IFT172: variants seen among roughly 807,000 people sequenced by gnomAD.
IFT172 encodes the protein intraflagellar transport 172, also known as intraflagellar transport protein 172 homolog.
A neutral mutation model predicts 248.9 loss-of-function variants in IFT172; 164 were observed. The observed-to-expected ratio is 0.66, with a 90% CI of 0.58 to 0.75. IFT172 has a LOEUF of 0.75. Among genes scored for constraint, IFT172 ranks in the 30% least tolerant of loss-of-function variants. The probability of loss-of-function intolerance (pLI) is 0.00; values close to 1 mark genes in which losing one functional copy is unlikely to be tolerated. For missense variants in IFT172, 1,950 were observed against 2,192.4 expected (o/e 0.89, Z 2.21); for synonymous variants, 729 against 791.6 (o/e 0.92, Z 1.33).
chr2:27,470,577 A>C (rs764073166), intron 16 of IFT172, among the ~76,000 whole-genome samples: 1 of 152,034 alleles, frequency 6.6e-6, no homozygotes, highest in Non-Finnish European at 1.5e-5. Context: ...GTAATTTGAG[A>C]AAAAAAGGCA....
At chr2:27,461,149 T>C (rs1402710719) in intron 22 of IFT172, 56 bp from the exon 23 acceptor site, 2 of 1,613,798 alleles carry the variant, frequency 1.2e-6, no homozygotes, top group Non-Finnish European at 8.5e-7. Flanking sequence ...AACTAAGTAT[T>C]AGCTCCGAAA....
rs776747406 is a variant in IFT172 at position 27,477,311 on chromosome 2, T to C, written c.1231A>G (p.Ile411Val). Reference sequence around the variant, plus strand: ...AGGGTTAGCTCTCCGGCATTGAAGATCATGCATACCTGGGAAAAATGGAGT... The same window carrying C: ...AGGGTTAGCTCTCCGGCATTGAAGACCATGCATACCTGGGAAAAATGGAGT... ...YFFENENVCM[I>V]FNAGELTLVE... The change falls in exon 13 of 48, where the codon ATC (isoleucine) becomes GTC (valine). Residue 411 changes from isoleucine to valine, a missense_variant. By Grantham distance (29) the Ile-to-Val change is conservative. Transcript: ENST00000260570. The C allele has an allele frequency of 6.2e-7, 1 of 1,613,912 alleles. No homozygotes were observed. Among genetic ancestry groups the C allele is most frequent in the Non-Finnish European group, 8.5e-7 (1 of 1,179,802 alleles).
At chr2:27,479,999 T>C (rs778839286) in intron 9 of IFT172, 27 bp downstream of exon 9, 8 of 1,604,394 alleles carry the variant, frequency 5.0e-6, no homozygotes, top group Non-Finnish European at 6.8e-6. Context: ...AAGTCACCAA[T>C]CCAGAAAGGG....
At chr2:27,463,260 T>G in intron 18 of IFT172, 79 bp from the exon 19 acceptor site, 3 of 1,333,878 alleles carry the variant, frequency 2.2e-6, no homozygotes, top group Non-Finnish European at 3.2e-6. Context: ...CAAATACAAA[T>G]TGATGTACAT....
intron 16 of IFT172, among the ~76,000 whole-genome samples, chr2:27,467,225 T>C (rs1667147882): frequency 6.6e-6 from 1 of 151,680 alleles, no homozygotes; most frequent in Admixed American, 6.6e-5. Flanking sequence ...ACAGTTTAAA[T>C]AGCAGATTAG....
intron 10 of IFT172, 143 bp from the exon 11 acceptor site, chr2:27,478,299 A>C (rs1668113808): frequency 1.2e-6 from 1 of 866,770 alleles, no homozygotes; most frequent in Non-Finnish European, 1.8e-6. Flanking sequence ...GTTGATAGTA[A>C]TGATATCTTA....
chr2:27,459,003 G>A, intron 25 of IFT172, 135 bp from the exon 26 acceptor site: 1 of 834,268 alleles, frequency 1.2e-6, no homozygotes, highest in Non-Finnish European at 1.8e-6. Flanking sequence ...AAGAAAAGAT[G>A]AGTATGGGTG....
chr2:27,450,463 T>C (rs987744804), intron 35 of IFT172, among the ~76,000 whole-genome samples: 6 of 152,224 alleles, frequency 3.9e-5, no homozygotes, highest in African/African-American at 1.4e-4. Flanking sequence ...GGGCATTCTG[T>C]AACTATTTGT....
At chr2:27,446,658 C>T (rs1213525838) in intron 42 of IFT172, among the ~76,000 whole-genome samples, 3 of 148,122 alleles carry the variant, frequency 2.0e-5, no homozygotes, top group East Asian at 1.9e-4. Context: ...GGACTACAAG[C>T]GCACATTACC....
At chr2:27,475,706 T>C (rs1044337293) in intron 14 of IFT172, 3 of 152,138 alleles carry the variant, frequency 2.0e-5, no homozygotes, top group Non-Finnish European at 4.4e-5. Context: ...AATTGAGATA[T>C]AGAAAGATGA....
chr2:27,468,271 C>G lies in IFT172; in HGVS notation c.1693-2389G>C, dbSNP rs577119016. ...TTTCTGAGACAGAGTCTTACTCTGT[C>G]GTTCAGGCTGGAGTGCAGTGGTACA... On this transcript the variant is annotated intron_variant, in intron 16 of 47. Coordinates refer to ENST00000260570, the MANE Select transcript of IFT172 (RefSeq NM_015662.3). Among the ~76,000 whole-genome samples the G allele has an allele frequency of 5.3e-5, 8 of 151,460 alleles. No individual in the cohort carries two copies. The South Asian group carries it at 1.7e-3, about 32-fold the overall frequency.
chr2:27,445,313 A>C lies in IFT172; in HGVS notation c.5051T>G (p.Leu1684Arg), dbSNP rs770040628. Residue 1684 changes from leucine to arginine, a missense_variant, in exon 46 of 48, where the codon CTG (leucine) becomes CGG (arginine). Leu to Arg is a moderately radical substitution (Grantham distance 102). Around this residue, in one of 3 missense-constraint regions of IFT172, gnomAD observed 620 missense variants for 699.0 expected, o/e 0.89. Transcript: ENST00000260570. This position sits in a 1 kb window ranked among gnomAD's most constrained non-coding sequence, Gnocchi z 4.4. ...TTCTATACCTGTAATAAGGCAGGGC[A>C]GGGCTCGAACACCAGTGCTCGCTGC... Reference protein sequence around the residue: ...LVAASTGVRALPCLITGYPIL... With the variant: ...LVAASTGVRARPCLITGYPIL... 1.8e-5 allele frequency: 29 copies of C among 1,612,882 alleles called. No individual in the cohort carries two copies. Among genetic ancestry groups the C allele is most frequent in the Non-Finnish European group, 1.8e-5 (21 of 1,179,498 alleles).
chr2:27,469,133 T>G (rs1201215144), intron 16 of IFT172, among the ~76,000 whole-genome samples: 1 of 151,802 alleles, frequency 6.6e-6, no homozygotes, highest in Non-Finnish European at 1.5e-5. Flanking sequence ...GTGGCTCATG[T>G]CTGTAATCCC....
chr2:27,476,292 A>T (rs963534992), intron 14 of IFT172, among the ~76,000 whole-genome samples: 6 of 152,078 alleles, frequency 3.9e-5, no homozygotes, highest in African/African-American at 1.4e-4. Flanking sequence ...GTTTTAAGAG[A>T]TGGGGTCTTA....
intron 18 of IFT172, among the ~76,000 whole-genome samples, chr2:27,465,017 G>T (rs913436373): frequency 6.6e-6 from 1 of 151,834 alleles, no homozygotes; most frequent in African/African-American, 2.4e-5. Flanking sequence ...TGCCTCCTGG[G>T]TTCAAGCAAT....
chr2:27,454,897 C>T lies in IFT172; in HGVS notation c.3372-237G>A, dbSNP rs1666026037. Among the ~76,000 whole-genome samples the T allele has an allele frequency of 6.6e-6, 1 of 152,160 alleles. No individual in the cohort carries two copies. Among genetic ancestry groups the T allele is most frequent in the Admixed American group, 6.5e-5 (1 of 15,274 alleles). ...GACGTCTGGAAAAGCCTATGCCTTC[C>T]CTGAGGCCAGCTGCTCCTGAGGAAT... On this transcript the variant is annotated intron_variant, in intron 30 of 47. Transcript: ENST00000260570. The surrounding 1 kb of genome is among the most constrained non-coding windows in gnomAD (Gnocchi z 4.2).
chr2:27,461,553 C>A, intron 21 of IFT172, 36 bp from the exon 22 acceptor site: 1 of 1,605,504 alleles, frequency 6.2e-7, no homozygotes, highest in Non-Finnish European at 8.5e-7. Flanking sequence ...GAGTCACATC[C>A]CCCTTCCTAC....
At chr2:27,446,680 ATT>A (rs766069964) in intron 42 of IFT172, among the ~76,000 whole-genome samples, 4 of 80,468 alleles carry the variant, frequency 5.0e-5, no homozygotes, top group Non-Finnish European at 6.9e-5. Flanking sequence ...TGCCTGGCTA[ATT>A]TTTTTTTTTT....
rs1472155113 is a variant in IFT172 at position 27,471,278 on chromosome 2, G to C, written c.1525-183C>G. On this transcript the variant is annotated intron_variant, in intron 15 of 47. Coordinates refer to ENST00000260570, the MANE Select transcript of IFT172 (RefSeq NM_015662.3). The stretch of plus-strand genomic sequence containing the variant: ...ATATCCTAACTCTGGTCAAGTAAGA[G>C]ATGACCCATAGAACAAAGATCTACA... 8 of 532,022 alleles carry C rather than the reference G, an allele frequency of 1.5e-5. No individual in the cohort carries two copies. In the Admixed American group the frequency reaches 3.1e-4, roughly 21 times the overall value. The allele number at this position is 532,022 out of a possible 1,614,324, so 33.0% of individuals were successfully genotyped here. A position where few individuals can be genotyped will look rare whatever the true frequency, so the allele number is the denominator to read the frequency against.
Sources: gnomAD v4.1 joint callset for allele counts (sites outside exome capture counted in the v4.1 genomes callset) on GRCh38, gnomAD v4.1.1 for gene constraint, gnomAD v4.1.1 regional missense constraint, Gnocchi (gnomAD v3.1) non-coding constraint, MANE v1.5 for transcripts, NCBI Gene and HGNC (gene_info 2026-07-23, HGNC 2026-07-21) for gene names.